NKAIN2: variants seen among roughly 807,000 people sequenced by gnomAD.
NKAIN2 encodes sodium/potassium-transporting ATPase subunit beta-1-interacting protein 2.
A neutral mutation model predicts 32.6 loss-of-function variants in NKAIN2; 14 were observed. The ratio of observed to expected loss-of-function variants is 0.43; its 90% CI spans 0.28 to 0.67. NKAIN2 has a LOEUF of 0.67. NKAIN2 is among the 30% of genes least tolerant of loss of function. NKAIN2 has a pLI of 0.17. For missense variants in NKAIN2, 198 were observed against 258.3 expected, an observed-to-expected ratio of 0.77 and a Z score of 1.60; for synonymous variants, 80 against 87.2, an observed-to-expected ratio of 0.92 and a Z score of 0.46.
intron 1 of NKAIN2, among the ~76,000 whole-genome samples, chr6:123,835,317 T>A (rs1380758317): frequency 6.6e-6 from 1 of 152,128 alleles, no homozygotes; most frequent in Non-Finnish European, 1.5e-5. Flanking sequence ...TCAGCCTAAG[T>A]TTTTCTGTGT....
intron 3 of NKAIN2, among the ~76,000 whole-genome samples, chr6:124,649,000 G>C (rs1325195639): frequency 6.6e-6 from 1 of 151,998 alleles, no homozygotes; most frequent in Non-Finnish European, 1.5e-5. Context: ...ACTGCTTTGA[G>C]GGAAATTTAT....
chr6:124,214,888 C>A (rs2114673232), intron 1 of NKAIN2, among the ~76,000 whole-genome samples: 1 of 152,236 alleles, frequency 6.6e-6, no homozygotes, highest in African/African-American at 2.4e-5. Context: ...TGCCTGTATA[C>A]AAAGACTCCA....
chr6:124,235,128 A>G (rs1353340457), intron 1 of NKAIN2, among the ~76,000 whole-genome samples: 1 of 152,194 alleles, frequency 6.6e-6, no homozygotes, highest in African/African-American at 2.4e-5. Context: ...ACCAATAAAA[A>G]TAAGTATACT....
intron 3 of NKAIN2, among the ~76,000 whole-genome samples, chr6:124,590,332 A>G (rs1440339204): frequency 6.6e-6 from 1 of 152,174 alleles, no homozygotes; most frequent in East Asian, 1.9e-4. Flanking sequence ...TGATGTGTCA[A>G]GTGCATTAAG....
intron 1 of NKAIN2, among the ~76,000 whole-genome samples, chr6:124,178,940 A>C (rs1430587091): frequency 6.6e-6 from 1 of 152,234 alleles, no homozygotes; most frequent in Non-Finnish European, 1.5e-5. Flanking sequence ...ATGTGGTACT[A>C]TCCTTAATGA....
chr6:123,820,106 C>T (rs992610262), intron 1 of NKAIN2, among the ~76,000 whole-genome samples: 1 of 152,130 alleles, frequency 6.6e-6, no homozygotes, highest in Non-Finnish European at 1.5e-5. Flanking sequence ...CAGGCTAGAG[C>T]AGTACTGCAT....
At chr6:124,259,017 AGCT>A (rs954628090) in intron 1 of NKAIN2, among the ~76,000 whole-genome samples, 90 of 152,308 alleles carry the variant, frequency 5.9e-4, no homozygotes, top group African/African-American at 2.1e-3. Flanking sequence ...CTCTCATCCA[AGCT>A]GGGTTTCCTG....
chr6:124,481,480 G>GA (rs1006035755), intron 3 of NKAIN2, among the ~76,000 whole-genome samples: 26 of 151,760 alleles, frequency 1.7e-4, no homozygotes, highest in African/African-American at 5.8e-4. Flanking sequence ...ATTATCAATA[G>GA]AAAAAAAATG....
intron 1 of NKAIN2, among the ~76,000 whole-genome samples, chr6:124,143,892 A>G (rs1045393952): frequency 6.6e-6 from 1 of 152,202 alleles, no homozygotes; most frequent in Non-Finnish European, 1.5e-5. Flanking sequence ...ACCCCATGCT[A>G]TGATTTAGGC....
intron 3 of NKAIN2, among the ~76,000 whole-genome samples, chr6:124,409,826 A>G (rs895967670): frequency 3.3e-5 from 5 of 152,016 alleles, no homozygotes; most frequent in Non-Finnish European, 7.4e-5. Context: ...CTGGTCCTGG[A>G]CTTTTTTTGG....
chr6:124,451,324 AATCACTAATAT>A (rs1562193326), intron 3 of NKAIN2, among the ~76,000 whole-genome samples: 9 of 152,180 alleles, frequency 5.9e-5, no homozygotes, highest in Admixed American at 4.6e-4. Context: ...TGCCTTTAAA[AATCACTAATAT>A]ATCCACAGGG....
intron 1 of NKAIN2, among the ~76,000 whole-genome samples, chr6:124,030,281 C>T (rs189057632): frequency 6.6e-6 from 1 of 152,096 alleles, no homozygotes; most frequent in Non-Finnish European, 1.5e-5. Flanking sequence ...CATCCCAAAA[C>T]CATCCTCACA....
chr6:124,040,055 A>G (rs1781796761), intron 1 of NKAIN2, among the ~76,000 whole-genome samples: 1 of 151,578 alleles, frequency 6.6e-6, no homozygotes, highest in Non-Finnish European at 1.5e-5. Flanking sequence ...TATTTATTAC[A>G]AGTGGTTTGT....
intron 3 of NKAIN2, among the ~76,000 whole-genome samples, chr6:124,435,639 C>T (rs1239339563): frequency 3.3e-5 from 5 of 152,066 alleles, no homozygotes; most frequent in South Asian, 2.1e-4. Flanking sequence ...CTCCAGAGCT[C>T]GTGTTCGTAT....
intron 4 of NKAIN2, among the ~76,000 whole-genome samples, chr6:124,767,511 G>C (rs1045333967): frequency 1.7e-4 from 26 of 152,034 alleles, no homozygotes; most frequent in African/African-American, 6.3e-4. Context: ...TTTTTAGCTT[G>C]GCAGGTCTTA....
intron 1 of NKAIN2, among the ~76,000 whole-genome samples, chr6:123,860,358 T>A (rs1351766804): frequency 6.6e-6 from 1 of 152,194 alleles, no homozygotes; most frequent in Non-Finnish European, 1.5e-5. Context: ...GGGATGTGGA[T>A]TTGATTGAAA....
chr6:124,581,685 A>G (rs1207776169), intron 3 of NKAIN2, among the ~76,000 whole-genome samples: 2 of 152,192 alleles, frequency 1.3e-5, no homozygotes, highest in African/African-American at 4.8e-5. Context: ...GAATAAAACT[A>G]GAAATCAACA....
intron 3 of NKAIN2, among the ~76,000 whole-genome samples, chr6:124,624,787 G>C (rs1321144320): frequency 1.3e-5 from 2 of 152,152 alleles, no homozygotes; most frequent in East Asian, 1.9e-4. Flanking sequence ...TCTTGAATTA[G>C]AGTATGTACC....
chr6:123,888,606 A>G (rs1377548418), intron 1 of NKAIN2, among the ~76,000 whole-genome samples: 1 of 152,114 alleles, frequency 6.6e-6, no homozygotes, highest in Non-Finnish European at 1.5e-5. Context: ...TATCAAATCA[A>G]TATTAAAGTT....
Sources: allele counts gnomAD v4.1 joint callset (sites outside exome capture counted in the v4.1 genomes callset), GRCh38; gene constraint gnomAD v4.1.1; transcripts MANE v1.5; gene names NCBI Gene and HGNC (gene_info 2026-07-23, HGNC 2026-07-21).